RXFP1: variants seen among roughly 807,000 people sequenced by gnomAD.
RXFP1 encodes relaxin receptor 1.
RXFP1 carries 73 observed loss-of-function variants against 89.8 expected under a neutral mutation model. The ratio of observed to expected loss-of-function variants is 0.81; its 90% CI spans 0.67 to 0.99. The LOEUF (loss-of-function observed/expected upper bound fraction) is 0.99, where lower values mean the gene tolerates loss of function less well. Among genes scored for constraint, RXFP1 ranks in the 50% least tolerant of loss-of-function variants. The pLI, the probability that RXFP1 is intolerant of heterozygous loss-of-function variation, is 0.00. For synonymous variants in RXFP1, 277 were observed against 305.5 expected (o/e 0.91, Z 0.97); for missense variants, 793 against 895.5 (o/e 0.89, Z 1.46).
chr4:158,587,924 G>T (rs1758612634), intron 2 of RXFP1, among the ~76,000 whole-genome samples: 1 of 152,138 alleles, frequency 6.6e-6, no homozygotes, highest in African/African-American at 2.4e-5. Flanking sequence ...CTTAAAAGGG[G>T]TGAATGAAAG....
chr4:158,555,371 T>C (rs534673016), intron 1 of RXFP1, among the ~76,000 whole-genome samples: 143 of 152,286 alleles, frequency 9.4e-4, no homozygotes, highest in African/African-American at 3.1e-3. Flanking sequence ...TTATGTTTCC[T>C]CCCAAAAATG....
intron 11 of RXFP1, among the ~76,000 whole-genome samples, chr4:158,632,574 C>A (rs925050992): frequency 1.3e-5 from 2 of 152,152 alleles, no homozygotes; most frequent in Non-Finnish European, 2.9e-5. Flanking sequence ...ACGAGAGGTG[C>A]TGCTGTCAAA....
intron 2 of RXFP1, among the ~76,000 whole-genome samples, chr4:158,574,375 T>C (rs1198012730): frequency 6.6e-6 from 1 of 152,156 alleles, no homozygotes; most frequent in African/African-American, 2.4e-5. Flanking sequence ...AACACCTGGC[T>C]TGAAAATCCT....
At chr4:158,538,663 A>ATTAGCTGGGCGTCC in intron 1 of RXFP1, among the ~76,000 whole-genome samples, 1 of 152,272 alleles carries the variant, frequency 6.6e-6, no homozygotes, top group Admixed American at 6.5e-5. Context: ...AAAATACAAA[A>ATTAGCTGGGCGTCC]TTAGCTGGGC....
At position 158,647,083 on chromosome 4, in the gene RXFP1, A is replaced by G. The variant is rs760888737; in HGVS notation, c.1638A>G (p.Pro546=). ...WITGFIVAFI[P]LSNKEFFKNY... is the part of the protein sequence containing the mutation. ...CTGGTTTTATAGTGGCTTTCATTCC[A>G]TTGAGCAATAAGGAATTTTTCAAAA... The change falls in exon 16 of 18, where the codon CCA becomes CCG. Residue 546 remains proline, a synonymous_variant. Transcript: ENST00000307765. 3 of 1,614,148 alleles carry G rather than the reference A, an allele frequency of 1.9e-6. No homozygotes were observed. The South Asian group carries it at 3.3e-5, about 18-fold the overall frequency.
intron 8 of RXFP1, among the ~76,000 whole-genome samples, chr4:158,613,247 T>C (rs1446950684): frequency 6.6e-6 from 1 of 152,188 alleles, no homozygotes; most frequent in African/African-American, 2.4e-5. Flanking sequence ...CTAACCACAG[T>C]AGTGGTTGCT....
At chr4:158,605,233 C>A in intron 5 of RXFP1, 94 bp downstream of exon 5, 1 of 613,282 alleles carries the variant, frequency 1.6e-6, no homozygotes, top group South Asian at 2.5e-5. Context: ...CACTATTCCG[C>A]TGCTTGTGTC....
intron 1 of RXFP1, among the ~76,000 whole-genome samples, chr4:158,546,180 G>A (rs1748337614): frequency 6.6e-6 from 1 of 152,016 alleles, no homozygotes; most frequent in Non-Finnish European, 1.5e-5. Context: ...CTTGTAAGTT[G>A]GATTCCTAGG....
chr4:158,549,472 G>A (rs1036043855), intron 1 of RXFP1, among the ~76,000 whole-genome samples: 35 of 152,106 alleles, frequency 2.3e-4, no homozygotes, highest in African/African-American at 7.5e-4. Flanking sequence ...TTTTCCGTCC[G>A]GCTTTGTTCC....
chr4:158,626,036 G>C (rs1451203724), intron 9 of RXFP1, among the ~76,000 whole-genome samples: 1 of 151,938 alleles, frequency 6.6e-6, no homozygotes, highest in Non-Finnish European at 1.5e-5. Context: ...TTTATGCTTA[G>C]ACCATAAGGA....
chr4:158,528,517 A>G (rs973754142), intron 1 of RXFP1, among the ~76,000 whole-genome samples: 1 of 152,164 alleles, frequency 6.6e-6, no homozygotes, highest in African/African-American at 2.4e-5. Flanking sequence ...AAAAAGAAAA[A>G]AAAAGCTCAG....
chr4:158,563,496 G>GCA (rs145181248), intron 1 of RXFP1, among the ~76,000 whole-genome samples: 181 of 142,490 alleles, frequency 1.3e-3, no homozygotes, highest in African/African-American at 4.4e-3. Flanking sequence ...AGAATTCAAT[G>GCA]CACACACACA....
At chr4:158,557,101 G>A (rs969160390) in intron 1 of RXFP1, among the ~76,000 whole-genome samples, 1 of 152,060 alleles carries the variant, frequency 6.6e-6, no homozygotes, top group Non-Finnish European at 1.5e-5. Flanking sequence ...ACAAAGAAAT[G>A]ATAAATACAT....
At chr4:158,637,107 T>C (rs1218191169) in intron 12 of RXFP1, among the ~76,000 whole-genome samples, 1 of 152,216 alleles carries the variant, frequency 6.6e-6, no homozygotes, top group Non-Finnish European at 1.5e-5. Context: ...TAGTATTCTA[T>C]TGTGTATGTA....
chr4:158,595,680 T>A (rs898859130), intron 3 of RXFP1, among the ~76,000 whole-genome samples: 4 of 152,240 alleles, frequency 2.6e-5, no homozygotes, highest in Non-Finnish European at 2.9e-5. Flanking sequence ...TCTAGCTTTT[T>A]AAATTTTTAA....
At chr4:158,555,858 G>A (rs1361560953) in intron 1 of RXFP1, among the ~76,000 whole-genome samples, 1 of 152,094 alleles carries the variant, frequency 6.6e-6, no homozygotes, top group Admixed American at 6.6e-5. Context: ...AAATGGTTCT[G>A]GGAAAATAAA....
intron 1 of RXFP1, among the ~76,000 whole-genome samples, chr4:158,529,480 G>A (rs1046367048): frequency 2.0e-5 from 3 of 151,842 alleles, no homozygotes; most frequent in Non-Finnish European, 4.4e-5. Flanking sequence ...GACTGGTCTC[G>A]AACTCCTGGG....
chr4:158,525,008 T>C (rs1742133167), intron 1 of RXFP1, among the ~76,000 whole-genome samples: 1 of 152,166 alleles, frequency 6.6e-6, no homozygotes, highest in Non-Finnish European at 1.5e-5. Context: ...GGCCTTTGCT[T>C]TGGATCCCAG....
At chr4:158,621,880 T>C (rs960464190) in intron 9 of RXFP1, among the ~76,000 whole-genome samples, 1 of 152,258 alleles carries the variant, frequency 6.6e-6, no homozygotes, top group African/African-American at 2.4e-5. Flanking sequence ...CTCACACCTG[T>C]TAGAATCTCT....
Sources: allele counts gnomAD v4.1 joint callset (sites outside exome capture counted in the v4.1 genomes callset), GRCh38; gene constraint gnomAD v4.1.1; transcripts MANE v1.5; gene names NCBI Gene and HGNC (gene_info 2026-07-23, HGNC 2026-07-21).